KIAA1217: variants seen among roughly 807,000 people sequenced by gnomAD.
The protein encoded by KIAA1217 is sickle tail protein homolog.
KIAA1217 carries 88 observed loss-of-function variants against 163.9 expected under a neutral mutation model. That is an observed-to-expected ratio of 0.54 (90% CI 0.45 to 0.64). The LOEUF is 0.64. Among genes scored for constraint, KIAA1217 ranks in the 30% least tolerant of loss-of-function variants. The pLI is 0.00. For synonymous variants in KIAA1217, 903 were observed against 923.1 expected (o/e 0.98, Z 0.39); for missense variants, 2,372 against 2,475.0 (o/e 0.96, Z 0.88).
In KIAA1217 at chr10:24,268,215, A is replaced by T. The variant is rs181395963; in HGVS notation, c.354+48306A>T. Among the ~76,000 whole-genome samples, 8 of 152,324 alleles carry T rather than the reference A, an allele frequency of 5.3e-5. No individual in the cohort carries two copies. In the East Asian group the frequency reaches 1.5e-3, roughly 29 times the overall value. On this transcript the variant is annotated intron_variant, in intron 2 of 20. Coordinates refer to ENST00000376454, the MANE Select transcript of KIAA1217 (RefSeq NM_019590.5). ...ATTGACTTTTCATGAAAACTAGGCG[A>T]ACTAGTAGTTTTCATGCACAATATG...
At chr10:24,283,680 A>G (rs1564402634) in intron 2 of KIAA1217, among the ~76,000 whole-genome samples, 1 of 152,122 alleles carries the variant, frequency 6.6e-6, no homozygotes, top group Non-Finnish European at 1.5e-5. Flanking sequence ...AAATAATTAA[A>G]AAAAGAAAAG....
intron 1 of KIAA1217, among the ~76,000 whole-genome samples, chr10:23,917,860 G>C (rs917623566): frequency 2.0e-5 from 3 of 152,302 alleles, no homozygotes; most frequent in Admixed American, 1.3e-4. Flanking sequence ...CATTTAGAGA[G>C]GTATGATCAC....
intron 5 of KIAA1217, among the ~76,000 whole-genome samples, chr10:24,438,946 G>A (rs558864406): frequency 6.6e-6 from 1 of 152,236 alleles, no homozygotes; most frequent in African/African-American, 2.4e-5. Flanking sequence ...TTCTAATTCA[G>A]GAGCTACCCT....
At chr10:23,838,546 C>T (rs1245588273) in intron 1 of KIAA1217, among the ~76,000 whole-genome samples, 4 of 151,966 alleles carry the variant, frequency 2.6e-5, no homozygotes, top group African/African-American at 7.3e-5. Flanking sequence ...CTGCAACCTC[C>T]GCCTCCGAGG....
intron 1 of KIAA1217, among the ~76,000 whole-genome samples, chr10:23,905,647 T>C (rs1842129992): frequency 6.6e-6 from 1 of 152,004 alleles, no homozygotes; most frequent in African/African-American, 2.4e-5. Flanking sequence ...GGTAGGGAGA[T>C]GGATTATAGT....
chr10:24,063,950 A>C (rs552469211), intron 2 of KIAA1217, among the ~76,000 whole-genome samples: 109 of 152,126 alleles, frequency 7.2e-4, no homozygotes, highest in Admixed American at 2.0e-3. Context: ...TTTGTCTGTT[A>C]TTGGTGTATA....
chr10:24,320,840 G>A (rs1170673087), intron 2 of KIAA1217, among the ~76,000 whole-genome samples: 1 of 151,808 alleles, frequency 6.6e-6, no homozygotes, highest in South Asian at 2.1e-4. Flanking sequence ...TCGGGAGATC[G>A]AGACCATCCT....
At chr10:23,917,591 T>C (rs1341688838) in intron 1 of KIAA1217, among the ~76,000 whole-genome samples, 1 of 152,144 alleles carries the variant, frequency 6.6e-6, no homozygotes, top group Non-Finnish European at 1.5e-5. Context: ...AAAGTGACTA[T>C]AGTTTTAGTT....
rs146466604 is a variant in KIAA1217, at chr10:24,016,015, A to G, written c.-171+8641A>G. Among the ~76,000 whole-genome samples, 497 of 152,222 alleles carry G rather than the reference A, an allele frequency of 3.3e-3. 3 individuals carry two copies. Among genetic ancestry groups the G allele is most frequent in the African/African-American group, 0.012 (480 of 41,552 alleles). On this transcript the variant is annotated intron_variant, in intron 2 of 18. Coordinates refer to the KIAA1217 transcript ENST00000376462. ...TAACATGCCATTAAATGAGCTGAAC[A>G]ATTTACTGGAAGAGGAAAATAAGGT...
chr10:24,273,382 T>G (rs771973085), intron 2 of KIAA1217, among the ~76,000 whole-genome samples: 1 of 152,226 alleles, frequency 6.6e-6, no homozygotes, highest in Non-Finnish European at 1.5e-5. Context: ...TGATCTTCTT[T>G]GAAGTTAAAC....
At chr10:24,409,587 A>G (rs1054702071) in intron 3 of KIAA1217, among the ~76,000 whole-genome samples, 10 of 152,194 alleles carry the variant, frequency 6.6e-5, no homozygotes, top group Admixed American at 6.5e-4. Context: ...AGATGTGTGC[A>G]GTTTTTTAAA....
intron 3 of KIAA1217, among the ~76,000 whole-genome samples, chr10:24,430,327 A>G (rs1175976960): frequency 6.6e-6 from 1 of 152,066 alleles, no homozygotes; most frequent in African/African-American, 2.4e-5. Flanking sequence ...GGACTCTTCC[A>G]TCTTCTGTGG....
chr10:24,175,435 GTA>G (rs999599917), intron 2 of KIAA1217, among the ~76,000 whole-genome samples: 2 of 125,234 alleles, frequency 1.6e-5, no homozygotes, highest in African/African-American at 3.5e-5. Context: ...ATTCCATGGT[GTA>G]TATATATGTG....
At chr10:24,234,605 G>T (rs778687933) in intron 2 of KIAA1217, among the ~76,000 whole-genome samples, 6 of 139,566 alleles carry the variant, frequency 4.3e-5, no homozygotes, top group Non-Finnish European at 7.5e-5. Flanking sequence ...GTTGCAGTGA[G>T]CCGAGATCAT....
intron 3 of KIAA1217, among the ~76,000 whole-genome samples, chr10:24,414,035 C>G (rs2058031446): frequency 6.6e-6 from 1 of 152,174 alleles, no homozygotes; most frequent in Non-Finnish European, 1.5e-5. Flanking sequence ...TAAATGAAAT[C>G]CATCTTTTAC....
In KIAA1217 at chr10:24,345,873, G is replaced by A. The variant is rs2047685103; in HGVS notation, c.355-34996G>A. On this transcript the variant is annotated intron_variant, in intron 2 of 20. Coordinates refer to ENST00000376454, the MANE Select transcript of KIAA1217 (RefSeq NM_019590.5). ...ATTTTAAAGCGTACAGTTCCGTGGT[G>A]TTAAGTATATTCACATTGTTATGCA... is the stretch of plus-strand genomic sequence containing the variant. 3.3e-5 allele frequency among the ~76,000 whole-genome samples: 5 copies of A among 152,256 alleles called. No individual in the cohort carries two copies. The South Asian group carries it at 8.3e-4, about 25-fold the overall frequency.
intron 1 of KIAA1217, among the ~76,000 whole-genome samples, chr10:23,773,209 A>G (rs1029329318): frequency 6.6e-6 from 1 of 152,162 alleles, no homozygotes; most frequent in African/African-American, 2.4e-5. Flanking sequence ...GCATTATTGT[A>G]CACTCAGGGA....
chr10:24,337,514 A>T (rs888422206), intron 2 of KIAA1217, among the ~76,000 whole-genome samples: 10 of 152,090 alleles, frequency 6.6e-5, no homozygotes, highest in African/African-American at 2.2e-4. Flanking sequence ...ACTTCATGAG[A>T]ATATGACAGA....
intron 2 of KIAA1217, among the ~76,000 whole-genome samples, chr10:24,375,222 A>G (rs11014068): frequency 0.17 from 26,212 of 152,116 alleles, 2,719 homozygotes; most frequent in East Asian, 0.37. Flanking sequence ...AGGATGGGAG[A>G]TAAGATAGAA....
Sources: gnomAD v4.1 joint callset for allele counts (sites outside exome capture counted in the v4.1 genomes callset) on GRCh38, gnomAD v4.1.1 for gene constraint, MANE v1.5 for transcripts, NCBI Gene and HGNC (gene_info 2026-07-23, HGNC 2026-07-21) for gene names.